Variants in MYO1D observed in about 807,000 individuals in gnomAD.
MYO1D encodes myosin ID.
MYO1D carries 83 observed loss-of-function variants against 122.0 expected under a neutral mutation model. The ratio of observed to expected loss-of-function variants is 0.68; its 90% confidence interval spans 0.57 to 0.82. The LOEUF (loss-of-function observed/expected upper bound fraction) is 0.82, where lower values mean the gene tolerates loss of function less well. Ranked by LOEUF, MYO1D falls within the 40% of genes least tolerant of loss-of-function variation. The probability of loss-of-function intolerance (pLI) is 0.00; values close to 1 mark genes in which losing one functional copy is unlikely to be tolerated. For synonymous variants in MYO1D, 464 were observed against 446.9 expected (o/e 1.04, Z -0.48); for missense variants, 1,157 against 1,269.5 (o/e 0.91, Z 1.35).
intron 21 of MYO1D, among the ~76,000 whole-genome samples, chr17:32,587,346 T>C (rs2087397467): frequency 6.6e-6 from 1 of 152,068 alleles, no homozygotes; most frequent in African/African-American, 2.4e-5. Flanking sequence ...ACCCCGTTTC[T>C]ACTAAAAATA....
intron 20 of MYO1D, among the ~76,000 whole-genome samples, chr17:32,624,425 G>T (rs1254757935): frequency 6.6e-6 from 1 of 152,038 alleles, no homozygotes; most frequent in Non-Finnish European, 1.5e-5. Context: ...TCTGGAGTAT[G>T]ACCTGGGTAT....
chr17:32,616,390 C>T (rs1457227864), intron 20 of MYO1D, among the ~76,000 whole-genome samples: 1 of 152,082 alleles, frequency 6.6e-6, no homozygotes, highest in African/African-American at 2.4e-5. Flanking sequence ...ATGGCTCAAA[C>T]CTTGAGCTCC....
At chr17:32,819,733 A>G (rs1033094045) in intron 1 of MYO1D, among the ~76,000 whole-genome samples, 1 of 152,174 alleles carries the variant, frequency 6.6e-6, no homozygotes, top group Non-Finnish European at 1.5e-5. Context: ...AATAATGGCT[A>G]CCATTTATGA....
At chr17:32,875,126 CTTGTATACAGTATGTACATAATAAA>C (rs2091217268) in intron 1 of MYO1D, among the ~76,000 whole-genome samples, 1 of 152,130 alleles carries the variant, frequency 6.6e-6, no homozygotes, top group Non-Finnish European at 1.5e-5. Flanking sequence ...ACTACATGGT[CTTGTATACAGTATGTACATAATAAA>C]TGTACCAATG....
intron 21 of MYO1D, among the ~76,000 whole-genome samples, chr17:32,598,821 A>G (rs1355999531): frequency 6.6e-6 from 1 of 152,256 alleles, no homozygotes; most frequent in Non-Finnish European, 1.5e-5. Context: ...GCAAACTATA[A>G]CAGAGAAGCC....
At chr17:32,643,024 C>G (rs546966399) in intron 19 of MYO1D, among the ~76,000 whole-genome samples, 9 of 152,126 alleles carry the variant, frequency 5.9e-5, no homozygotes, top group Admixed American at 2.0e-4. Context: ...AATGCTTCCA[C>G]TTTTTGCCCA....
chr17:32,704,204 AATGTAGAGGGTAT>A (rs1263574821), intron 16 of MYO1D, among the ~76,000 whole-genome samples: 2 of 152,192 alleles, frequency 1.3e-5, no homozygotes, highest in Non-Finnish European at 2.9e-5. Flanking sequence ...CACAAACTCA[AATGTAGAGGGTAT>A]ATGGGTAAGT....
At position 32,654,542 on chromosome 17, in the gene MYO1D, T is replaced by A; in HGVS notation, c.2425A>T (p.Met809Leu). The A allele has an allele frequency of 2.5e-6, 4 of 1,614,126 alleles. No homozygotes were observed. Among genetic ancestry groups the A allele is most frequent in the Non-Finnish European group, 3.4e-6 (4 of 1,179,998 alleles). The change falls in exon 18 of 22, where the codon ATG becomes TTG. Residue 809 changes from methionine to leucine, a missense_variant. Coordinates refer to ENST00000318217, the MANE Select transcript of MYO1D (RefSeq NM_015194.3). ...QVRAKVAAVE[M>L]LKGQRADLGL... ...AGGTCAGCCCTTTGACCCTTCAACA[T>A]TTCCACGGCTGCAACCTTTGCCCTG... is the stretch of plus-strand genomic sequence containing the variant.
chr17:32,687,112 ATT>A (rs1187428300), intron 16 of MYO1D, among the ~76,000 whole-genome samples: 1 of 151,630 alleles, frequency 6.6e-6, no homozygotes, highest in African/African-American at 2.4e-5. Flanking sequence ...GGTGGGTACT[ATT>A]TTATTTCCCC....
intron 21 of MYO1D, among the ~76,000 whole-genome samples, chr17:32,502,554 TACC>T (rs1330279056): frequency 3.9e-5 from 6 of 152,252 alleles, no homozygotes; most frequent in Non-Finnish European, 5.9e-5. Flanking sequence ...ATGTGTATTT[TACC>T]ACAATAATTT....
chr17:32,641,084 C>T (rs571088929), intron 19 of MYO1D, among the ~76,000 whole-genome samples: 1 of 111,954 alleles, frequency 8.9e-6, no homozygotes, highest in Non-Finnish European at 1.8e-5. Context: ...ATCCCTCCCC[C>T]CTCCCCCCAC....
At chr17:32,631,794 C>T (rs1035635897) in intron 20 of MYO1D, among the ~76,000 whole-genome samples, 7 of 152,064 alleles carry the variant, frequency 4.6e-5, no homozygotes, top group South Asian at 2.1e-4. Flanking sequence ...GAGATGCACA[C>T]GTGTATTTCA....
At chr17:32,809,716 G>C in intron 1 of MYO1D, among the ~76,000 whole-genome samples, 1 of 152,190 alleles carries the variant, frequency 6.6e-6, no homozygotes, top group Non-Finnish European at 1.5e-5. Flanking sequence ...TGGGATTATA[G>C]GTGTAAGCCA....
chr17:32,669,688 G>A (rs555679534), intron 16 of MYO1D, among the ~76,000 whole-genome samples: 2 of 151,974 alleles, frequency 1.3e-5, no homozygotes, highest in East Asian at 3.9e-4. Context: ...CTATCCTTTT[G>A]GGAAGCAATG....
intron 16 of MYO1D, among the ~76,000 whole-genome samples, chr17:32,672,276 G>T (rs1010866787): frequency 1.3e-5 from 2 of 152,178 alleles, no homozygotes; most frequent in African/African-American, 2.4e-5. Flanking sequence ...CTGGCTCCAA[G>T]AATTGATCAT....
At chr17:32,676,342 T>C (rs1263203293) in intron 16 of MYO1D, among the ~76,000 whole-genome samples, 1 of 148,366 alleles carries the variant, frequency 6.7e-6, no homozygotes, top group East Asian at 1.9e-4. Flanking sequence ...TTTTGTGAAT[T>C]GTTTCTCTAT....
chr17:32,831,773 G>A (rs892383659), intron 1 of MYO1D, among the ~76,000 whole-genome samples: 5 of 152,104 alleles, frequency 3.3e-5, no homozygotes, highest in South Asian at 2.1e-4. Context: ...TTTGTACTTA[G>A]GTTTACATAT....
At chr17:32,769,076 T>C (rs991352192) in intron 6 of MYO1D, among the ~76,000 whole-genome samples, 1 of 152,204 alleles carries the variant, frequency 6.6e-6, no homozygotes, top group Non-Finnish European at 1.5e-5. Flanking sequence ...AGAGTGATCT[T>C]ATTTCCCTTA....
chr17:32,522,506 G>A (rs1910180851), intron 21 of MYO1D, among the ~76,000 whole-genome samples: 2 of 152,200 alleles, frequency 1.3e-5, no homozygotes, highest in Admixed American at 1.3e-4. Flanking sequence ...GAACATATTA[G>A]GAAGACATGA....
Sources: allele counts gnomAD v4.1 joint callset (sites outside exome capture counted in the v4.1 genomes callset), GRCh38; gene constraint gnomAD v4.1.1; transcripts MANE v1.5; gene names NCBI Gene and HGNC (gene_info 2026-07-23, HGNC 2026-07-21).